The following FUT8 variants were observed in gnomAD, a reference collection of about 807,000 sequenced individuals.
The protein encoded by FUT8 is fucosyltransferase 8, also known as alpha-(1,6)-fucosyltransferase.
Under a neutral mutation model 71.3 loss-of-function variants are expected in FUT8, and 29 were observed. The observed-to-expected ratio is 0.41, with a 90% CI of 0.30 to 0.55. The LOEUF (loss-of-function observed/expected upper bound fraction) is 0.55, where lower values mean the gene tolerates loss of function less well. FUT8 is among the 20% of genes least tolerant of loss of function. The pLI is 0.34. For missense variants in FUT8, 544 were observed against 702.1 expected (o/e 0.77, Z 2.55); for synonymous variants, 254 against 239.3 (o/e 1.06, Z -0.57).
At chr14:65,521,371 C>A (rs1392387339) in intron 2 of FUT8, among the ~76,000 whole-genome samples, 2 of 151,972 alleles carry the variant, frequency 1.3e-5, no homozygotes, top group African/African-American at 4.8e-5. Flanking sequence ...TTAATGGCTT[C>A]TTTTATACAC....
chr14:65,494,125 T>C (rs558210399), intron 2 of FUT8, among the ~76,000 whole-genome samples: 1 of 152,226 alleles, frequency 6.6e-6, no homozygotes, highest in East Asian at 1.9e-4. Context: ...AAATGTAGAG[T>C]GAACCACACA....
Position 65,665,160 on chromosome 14 carries a change from T to C in FUT8, c.598-4083T>C, listed in dbSNP as rs117632171. Among the ~76,000 whole-genome samples the C allele has an allele frequency of 3.4e-4, 52 of 152,256 alleles. No homozygotes were observed. In the East Asian group the frequency reaches 9.4e-3, roughly 28 times the overall value. On this transcript the variant is annotated intron_variant, in intron 6 of 10. Coordinates refer to ENST00000673929, the MANE Select transcript of FUT8 (RefSeq NM_001371533.1). ...TGCCTGATATTTTGTAATTGTTGAA[T>C]TCAGATATCCCTCTACTCAGTGGCT... is the stretch of plus-strand genomic sequence containing the variant.
chr14:65,450,394 G>T (rs2139532708), intron 1 of FUT8, among the ~76,000 whole-genome samples: 1 of 152,082 alleles, frequency 6.6e-6, no homozygotes, highest in Non-Finnish European at 1.5e-5. Flanking sequence ...TAGGTATTCT[G>T]TTTCTCCTGA....
chr14:65,521,385 C>T (rs528887300), intron 2 of FUT8, among the ~76,000 whole-genome samples: 1 of 152,136 alleles, frequency 6.6e-6, no homozygotes, highest in Admixed American at 6.5e-5. Flanking sequence ...TATACACTCA[C>T]AATATTTATA....
chr14:65,739,017 C>G (rs1432532764), intron 10 of FUT8, among the ~76,000 whole-genome samples: 2 of 152,064 alleles, frequency 1.3e-5, no homozygotes, highest in African/African-American at 4.8e-5. Flanking sequence ...GTGGCTCTGC[C>G]ATTAACTAGT....
At chr14:65,543,057 C>T (rs10143822) in intron 2 of FUT8, among the ~76,000 whole-genome samples, 10,446 of 152,268 alleles carry the variant, frequency 0.069, 665 homozygotes, top group East Asian at 0.23. Flanking sequence ...GCTGGGATTA[C>T]AGGCGTGAGC....
chr14:65,559,927 A>T (rs553679205), intron 2 of FUT8, among the ~76,000 whole-genome samples: 2 of 152,240 alleles, frequency 1.3e-5, no homozygotes, highest in South Asian at 4.1e-4. Flanking sequence ...ATTCCTTTTT[A>T]ATTTGGTTTT....
At chr14:65,580,279 C>G (rs1197922489) in intron 3 of FUT8, among the ~76,000 whole-genome samples, 1 of 151,294 alleles carries the variant, frequency 6.6e-6, no homozygotes, top group East Asian at 1.9e-4. Flanking sequence ...TGTTGCTGTA[C>G]TGAATACTGT....
At chr14:65,528,713 G>A (rs1317272572) in intron 2 of FUT8, 2 of 152,130 alleles carry the variant, frequency 1.3e-5, no homozygotes, top group Non-Finnish European at 2.9e-5. Context: ...AAATAAAATT[G>A]ATAAGATACA....
At chr14:65,597,107 G>A (rs563372029) in intron 3 of FUT8, among the ~76,000 whole-genome samples, 1 of 152,224 alleles carries the variant, frequency 6.6e-6, no homozygotes, top group Admixed American at 6.5e-5. Context: ...TATTTTCATA[G>A]TACAGATAAG....
intron 2 of FUT8, among the ~76,000 whole-genome samples, chr14:65,496,590 G>T (rs1015549846): frequency 6.6e-6 from 1 of 152,006 alleles, no homozygotes; most frequent in Non-Finnish European, 1.5e-5. Flanking sequence ...TCACCCACTC[G>T]CTCTCTCTTG....
chr14:65,442,408 G>C (rs560876354), intron 1 of FUT8, among the ~76,000 whole-genome samples: 112 of 151,918 alleles, frequency 7.4e-4, no homozygotes, highest in African/African-American at 2.4e-3. Flanking sequence ...CTGACCTCAT[G>C]ATCCGCCTGC....
rs563483324 is a variant in FUT8 at position 65,563,106 on chromosome 14, A to G, written c.203+1340A>G. Among the ~76,000 whole-genome samples the G allele has an allele frequency of 2.6e-5, 4 of 152,216 alleles. No homozygotes were observed. The East Asian group carries it at 7.7e-4, about 29-fold the overall frequency. On this transcript the variant is annotated intron_variant, in intron 3 of 10. Transcript: ENST00000673929. The stretch of plus-strand genomic sequence containing the variant: ...ATTTGTACCATTCAAGAAGATAGCA[A>G]GCAGTCAGGGATTAGAAAGTGGACA...
At chr14:65,679,647 CTT>C (rs1467136049) in intron 7 of FUT8, among the ~76,000 whole-genome samples, 1 of 152,140 alleles carries the variant, frequency 6.6e-6, no homozygotes, top group Admixed American at 6.5e-5. Context: ...GACATAGTAT[CTT>C]TATGCATATC....
At chr14:65,654,839 CA>C (rs984831548) in intron 6 of FUT8, among the ~76,000 whole-genome samples, 24 of 151,932 alleles carry the variant, frequency 1.6e-4, no homozygotes, top group African/African-American at 5.8e-4. Flanking sequence ...ATGATCTAAA[CA>C]TACCAGTTAA....
At chr14:65,631,935 G>T (rs1423897318) in intron 6 of FUT8, among the ~76,000 whole-genome samples, 1 of 150,960 alleles carries the variant, frequency 6.6e-6, no homozygotes, top group African/African-American at 2.4e-5. Flanking sequence ...CCACATATCA[G>T]TGAGAACATA....
the FUT8 span, among the ~76,000 whole-genome samples, chr14:65,361,803 C>CAAATAAATAAAT: frequency 5.1e-4 from 77 of 150,208 alleles, no homozygotes; most frequent in East Asian, 2.2e-3. Context: ...AACAAACAAA[C>CAAATAAATAAAT]AAACAAATAA....
chr14:65,640,554 CATATT>C (rs1345052920), intron 6 of FUT8, among the ~76,000 whole-genome samples: 1 of 151,992 alleles, frequency 6.6e-6, no homozygotes, highest in Non-Finnish European at 1.5e-5. Flanking sequence ...AGTATTTACT[CATATT>C]ATTTTATTTA....
intron 2 of FUT8, among the ~76,000 whole-genome samples, chr14:65,507,658 C>T (rs1307260675): frequency 1.3e-5 from 2 of 152,198 alleles, no homozygotes; most frequent in Non-Finnish European, 1.5e-5. Flanking sequence ...CTGAATAGTA[C>T]TCCACTGTGT....
Sources: allele counts gnomAD v4.1 joint callset (sites outside exome capture counted in the v4.1 genomes callset), GRCh38; gene constraint gnomAD v4.1.1; transcripts MANE v1.5; gene names NCBI Gene and HGNC (gene_info 2026-07-23, HGNC 2026-07-21).